The following HECW1 variants were observed in gnomAD, a reference collection of about 807,000 sequenced individuals.
The protein encoded by HECW1 is E3 ubiquitin-protein ligase HECW1.
A neutral mutation model predicts 182.3 loss-of-function variants in HECW1; 61 were observed. The observed-to-expected ratio is 0.33, with a 90% CI of 0.27 to 0.41. HECW1 has a LOEUF of 0.41. Among genes scored for constraint, HECW1 ranks in the 10% least tolerant of loss-of-function variants. HECW1 has a pLI of 1.00. For synonymous variants in HECW1, 859 were observed against 832.6 expected (o/e 1.03, Z -0.55); for missense variants, 1,739 against 2,108.9 (o/e 0.82, Z 3.44).
chr7:43,280,423 G>A (rs1337750127), intron 3 of HECW1, among the ~76,000 whole-genome samples: 2 of 152,122 alleles, frequency 1.3e-5, no homozygotes, highest in Non-Finnish European at 2.9e-5. Flanking sequence ...TTAAAATGCC[G>A]AGTCACACAG....
At chr7:43,179,342 C>A (rs1048784198) in intron 2 of HECW1, among the ~76,000 whole-genome samples, 1 of 152,120 alleles carries the variant, frequency 6.6e-6, no homozygotes, top group South Asian at 2.1e-4. Flanking sequence ...CCCCTTACTC[C>A]CAAGTCTGAG....
chr7:43,271,710 A>G (rs994927203), intron 3 of HECW1, among the ~76,000 whole-genome samples: 4 of 152,248 alleles, frequency 2.6e-5, no homozygotes, highest in South Asian at 2.1e-4. Context: ...TGACGGAATC[A>G]AATAGAAAAA....
In HECW1 at chr7:43,562,992, TA is replaced by T. The variant is rs1243272261; in HGVS notation, c.*1067del. 24 of 200,822 alleles carry T rather than the reference TA, an allele frequency of 1.2e-4. No homozygotes were observed. The highest frequency in any genetic ancestry group is 3.9e-4 in the South Asian group (2 of 5,104). The allele number at this position is 200,822 out of a possible 1,614,324, so 12.4% of individuals were successfully genotyped here. A position where few individuals can be genotyped will look rare whatever the true frequency, so the allele number is the denominator to read the frequency against. Reference sequence around the variant, plus strand: ...ACAAACCCTTTTTTTAAAACTTTGATATTTTTTTTTCACATTTTTTTTTCCT... The same window carrying T: ...ACAAACCCTTTTTTTAAAACTTTGATTTTTTTTTTCACATTTTTTTTTCCT... On this transcript the variant is annotated 3_prime_UTR_variant, in exon 30 of 30. Transcript: ENST00000395891.
At chr7:43,401,571 T>TTTTTG (rs1166586145) in intron 7 of HECW1, among the ~76,000 whole-genome samples, 1 of 140,792 alleles carries the variant, frequency 7.1e-6, no homozygotes, top group African/African-American at 2.8e-5. Flanking sequence ...AAAAAGGTTT[T>TTTTTG]TTTTTTTTTT....
chr7:43,414,734 C>G (rs1381687050), intron 8 of HECW1, among the ~76,000 whole-genome samples: 1 of 148,214 alleles, frequency 6.7e-6, no homozygotes, highest in African/African-American at 2.5e-5. Context: ...TTGTCTTTGG[C>G]TCTGTTTATA....
intron 19 of HECW1, 64 bp from the exon 20 acceptor site, chr7:43,500,635 G>T: frequency 2.4e-6 from 3 of 1,229,258 alleles, no homozygotes; most frequent in South Asian, 2.4e-5. Context: ...GAGATCAGAA[G>T]AAAATGTATT....
At chr7:43,319,640 C>T (rs551031854) in intron 4 of HECW1, among the ~76,000 whole-genome samples, 7 of 107,994 alleles carry the variant, frequency 6.5e-5, no homozygotes, top group Admixed American at 1.3e-4. Context: ...GACAGAGTCT[C>T]GCTATGTAAA....
chr7:43,357,688 T>C (rs977106647), intron 5 of HECW1, among the ~76,000 whole-genome samples: 9 of 151,746 alleles, frequency 5.9e-5, no homozygotes, highest in Non-Finnish European at 1.5e-5. Context: ...TAATTTATAA[T>C]TTGTAATTTA....
intron 3 of HECW1, chr7:43,274,205 T>A: frequency 1.8e-6 from 1 of 548,080 alleles, no homozygotes. Context: ...GTGGTCTCTC[T>A]TTGCCCACCC....
intron 8 of HECW1, 89 bp downstream of exon 8, chr7:43,407,820 G>T (rs1295926658): frequency 8.5e-6 from 10 of 1,177,418 alleles, no homozygotes; most frequent in African/African-American, 1.5e-5. Flanking sequence ...CATTCATGGA[G>T]CCCTGGACTC....
At position 43,204,679 on chromosome 7, in the gene HECW1, G is replaced by C. The variant is rs562383856; in HGVS notation, c.-31-39196G>C. On this transcript the variant is annotated intron_variant, in intron 2 of 29. Coordinates refer to ENST00000395891, the MANE Select transcript of HECW1 (RefSeq NM_015052.5). The stretch of plus-strand genomic sequence containing the variant: ...GAGACCTCAGTGAAACCTCAGCTCA[G>C]CTCCCCTGAGACAAAGGTGGTATGT... Among the ~76,000 whole-genome samples the C allele has an allele frequency of 1.2e-3, 190 of 152,254 alleles. 2 individuals carry two copies. The highest frequency in any genetic ancestry group is 6.8e-3 in the Middle Eastern group (2 of 294).
intron 2 of HECW1, among the ~76,000 whole-genome samples, chr7:43,152,268 T>G (rs775251296): frequency 6.6e-6 from 1 of 152,114 alleles, no homozygotes; most frequent in Non-Finnish European, 1.5e-5. Context: ...CAAATACAAG[T>G]GAAAGATAGT....
chr7:43,424,494 G>A (rs1285992198), intron 8 of HECW1, among the ~76,000 whole-genome samples: 4 of 152,086 alleles, frequency 2.6e-5, no homozygotes, highest in Non-Finnish European at 5.9e-5. Flanking sequence ...CTGGTGTTGT[G>A]TGCCTGTAGT....
At chr7:43,397,301 G>GA (rs1208073038) in intron 7 of HECW1, among the ~76,000 whole-genome samples, 5 of 151,752 alleles carry the variant, frequency 3.3e-5, no homozygotes, top group Admixed American at 2.0e-4. Flanking sequence ...CTCATTCATG[G>GA]AAAAAAAATC....
At chr7:43,549,419 T>C (rs1258779055) in intron 26 of HECW1, among the ~76,000 whole-genome samples, 3 of 152,222 alleles carry the variant, frequency 2.0e-5, no homozygotes, top group Non-Finnish European at 4.4e-5. Flanking sequence ...CATATATGTA[T>C]TTTTTTCTTT....
At chr7:43,169,680 T>TTTTTC (rs1562625476) in intron 2 of HECW1, among the ~76,000 whole-genome samples, 14 of 145,854 alleles carry the variant, frequency 9.6e-5, no homozygotes, top group Non-Finnish European at 1.2e-4. Context: ...TTTGTATCTT[T>TTTTTC]TTTTCTTTTC....
At chr7:43,205,650 T>G (rs573701609) in intron 2 of HECW1, among the ~76,000 whole-genome samples, 12 of 152,158 alleles carry the variant, frequency 7.9e-5, no homozygotes, top group Non-Finnish European at 1.6e-4. Flanking sequence ...GGTTGTACAC[T>G]CCACAGCATG....
intron 29 of HECW1, among the ~76,000 whole-genome samples, chr7:43,555,044 A>T (rs1585290620): frequency 6.6e-6 from 1 of 152,186 alleles, no homozygotes; most frequent in African/African-American, 2.4e-5. Flanking sequence ...CAGTTGTGGG[A>T]TGCTGTCATA....
intron 8 of HECW1, among the ~76,000 whole-genome samples, chr7:43,414,860 G>A (rs2075935072): frequency 6.6e-6 from 1 of 152,024 alleles, no homozygotes; most frequent in Non-Finnish European, 1.5e-5. Flanking sequence ...CGGTTTACCA[G>A]TATTTTATTG....
Sources: allele counts gnomAD v4.1 joint callset (sites outside exome capture counted in the v4.1 genomes callset), GRCh38; gene constraint gnomAD v4.1.1; transcripts MANE v1.5; gene names NCBI Gene and HGNC (gene_info 2026-07-23, HGNC 2026-07-21).